The following SUPT3H variants were observed in gnomAD, a reference collection of about 807,000 sequenced individuals.
SUPT3H encodes the protein SPT3 homolog, SAGA and STAGA complex component.
A neutral mutation model predicts 44.3 loss-of-function variants in SUPT3H; 44 were observed. The ratio of observed to expected loss-of-function variants is 0.99; its 90% confidence interval spans 0.78 to 1.28. SUPT3H has a LOEUF of 1.28. Among genes scored for constraint, SUPT3H ranks in the 50% most tolerant of loss-of-function variants. SUPT3H has a pLI of 0.00. For missense variants in SUPT3H, 380 were observed against 387.1 expected (o/e 0.98, Z 0.15); for synonymous variants, 124 against 125.6 (o/e 0.99, Z 0.09).
chr6:45,322,818 C>T, intron 2 of SUPT3H: 1 of 1,404,436 alleles, frequency 7.1e-7, no homozygotes, highest in Non-Finnish European at 1.0e-6. Context: ...GCAAGATGCA[C>T]TTTCTCCAAC....
intron 2 of SUPT3H, among the ~76,000 whole-genome samples, chr6:45,212,220 T>G (rs930463758): frequency 2.4e-4 from 37 of 152,224 alleles, no homozygotes; most frequent in African/African-American, 8.9e-4. Flanking sequence ...ATATACACAC[T>G]TTTCTTATGC....
At chr6:45,317,358 T>C (rs370469784) in intron 2 of SUPT3H, among the ~76,000 whole-genome samples, 1 of 150,514 alleles carries the variant, frequency 6.6e-6, no homozygotes, top group Non-Finnish European at 1.5e-5. Context: ...CTAAAATTCA[T>C]ATGGAACCAC....
chr6:45,341,472 G>T (rs994730418), intron 2 of SUPT3H, among the ~76,000 whole-genome samples: 1 of 152,026 alleles, frequency 6.6e-6, no homozygotes, highest in Admixed American at 6.6e-5. Flanking sequence ...CATGAGGTAG[G>T]ATCACACTAA....
Position 45,154,244 on chromosome 6 carries a change from T to C in SUPT3H, c.102-48238A>G, listed in dbSNP as rs73738618. Among the ~76,000 whole-genome samples the C allele has an allele frequency of 6.0e-3, 918 of 152,112 alleles. 14 individuals are homozygous for C. Among genetic ancestry groups the C allele is most frequent in the African/African-American group, 0.021 (876 of 41,518 alleles). Reference sequence around the variant, plus strand: ...TATTATTTACTTCACACCTACTATATAGGAAGGATTCTAGGAAGTGTTTGA... The same window carrying C: ...TATTATTTACTTCACACCTACTATACAGGAAGGATTCTAGGAAGTGTTTGA... On this transcript the variant is annotated intron_variant, in intron 2 of 10. Coordinates refer to ENST00000371459, the MANE Select transcript of SUPT3H (RefSeq NM_003599.4).
intron 2 of SUPT3H, among the ~76,000 whole-genome samples, chr6:45,354,740 CT>C (rs1487533352): frequency 6.6e-6 from 1 of 152,010 alleles, no homozygotes; most frequent in African/African-American, 2.4e-5. Context: ...TGGGTCACCC[CT>C]GTATTCCCAG....
chr6:44,914,334 A>C (rs892008399), intron 10 of SUPT3H, among the ~76,000 whole-genome samples: 1 of 152,240 alleles, frequency 6.6e-6, no homozygotes, highest in Admixed American at 6.5e-5. Context: ...TGAGGTGCAG[A>C]GTGCAAAGGT....
At chr6:45,094,032 C>T (rs1278781758) in intron 3 of SUPT3H, among the ~76,000 whole-genome samples, 1 of 152,120 alleles carries the variant, frequency 6.6e-6, no homozygotes, top group African/African-American at 2.4e-5. Context: ...CTCAGTCACA[C>T]AATTTCAAGA....
At chr6:44,820,716 G>C (rs1415650725) in intron 11 of SUPT3H, among the ~76,000 whole-genome samples, 2 of 152,172 alleles carry the variant, frequency 1.3e-5, no homozygotes, top group East Asian at 3.8e-4. Context: ...AAAATAAACA[G>C]ATCTATGAAA....
intron 2 of SUPT3H, among the ~76,000 whole-genome samples, chr6:45,170,495 T>C (rs1459022320): frequency 6.6e-6 from 1 of 152,140 alleles, no homozygotes; most frequent in Admixed American, 6.5e-5. Context: ...CATCCGCAAA[T>C]CCCCTGTAGC....
At chr6:44,814,620 C>G (rs893715639) in intron 11 of SUPT3H, among the ~76,000 whole-genome samples, 1 of 152,146 alleles carries the variant, frequency 6.6e-6, no homozygotes, top group Non-Finnish European at 1.5e-5. Context: ...TCTTTGGTTT[C>G]TTGGCATCTT....
intron 9 of SUPT3H, among the ~76,000 whole-genome samples, chr6:44,942,306 A>C (rs74497282): frequency 7.9e-5 from 12 of 151,990 alleles, no homozygotes; most frequent in South Asian, 2.1e-4. Flanking sequence ...AAAAAAAAAA[A>C]CCAAGTATAT....
In SUPT3H at chr6:45,344,091, G is replaced by A. The variant is rs112675986; in HGVS notation, c.101+21110C>T. On this transcript the variant is annotated intron_variant, in intron 2 of 10. Transcript: ENST00000371459. ...ATATGAAAAATTGTCAAACTAAAGA[G>A]CAATTCAAATTCCTTTTATTCGGAG... Among the ~76,000 whole-genome samples the A allele has an allele frequency of 9.1e-3, 1,380 of 152,154 alleles. 14 individuals carry two copies. The highest frequency in any genetic ancestry group is 0.028 in the South Asian group (136 of 4,826).
At chr6:44,919,957 C>G (rs558018821) in intron 10 of SUPT3H, among the ~76,000 whole-genome samples, 6 of 152,090 alleles carry the variant, frequency 3.9e-5, no homozygotes, top group Admixed American at 3.9e-4. Context: ...CAGCTCACCA[C>G]GACCTCCGCC....
intron 3 of SUPT3H, chr6:45,098,802 G>C: frequency 1.9e-6 from 1 of 532,728 alleles, no homozygotes; most frequent in Non-Finnish European, 3.7e-6. Context: ...CTGTTGTTCA[G>C]AGAGAGCAGT....
intron 5 of SUPT3H, among the ~76,000 whole-genome samples, chr6:45,006,182 A>G (rs1334976296): frequency 6.6e-6 from 1 of 151,976 alleles, no homozygotes; most frequent in Non-Finnish European, 1.5e-5. Flanking sequence ...TTTATTTACC[A>G]TTTATTTGTT....
chr6:45,295,457 A>G (rs886226054), intron 2 of SUPT3H, among the ~76,000 whole-genome samples: 1 of 151,750 alleles, frequency 6.6e-6, no homozygotes, highest in East Asian at 1.9e-4. Context: ...CAATAACCTA[A>G]AAACAAATGC....
chr6:44,812,262 C>T (rs1214339734), intron 11 of SUPT3H, among the ~76,000 whole-genome samples: 1 of 152,090 alleles, frequency 6.6e-6, no homozygotes, highest in East Asian at 1.9e-4. Flanking sequence ...GTTTCCTGTT[C>T]ATTCAGATTG....
intron 10 of SUPT3H, among the ~76,000 whole-genome samples, chr6:44,832,074 CTATTT>C (rs3997495): frequency 0.02 from 3,104 of 152,120 alleles, 41 homozygotes; most frequent in Non-Finnish European, 0.033. Flanking sequence ...CTAGGGTACT[CTATTT>C]TGAGTCACTG....
At chr6:45,083,727 G>C (rs1347576148) in intron 3 of SUPT3H, among the ~76,000 whole-genome samples, 1 of 149,724 alleles carries the variant, frequency 6.7e-6, no homozygotes, top group African/African-American at 2.4e-5. Flanking sequence ...AAACACCATC[G>C]GTCTAGTATA....
Sources: gnomAD v4.1 joint callset for allele counts (sites outside exome capture counted in the v4.1 genomes callset) on GRCh38, gnomAD v4.1.1 for gene constraint, MANE v1.5 for transcripts, NCBI Gene and HGNC (gene_info 2026-07-23, HGNC 2026-07-21) for gene names.